POGZ: variants seen among roughly 807,000 people sequenced by gnomAD.
POGZ encodes pogo transposable element derived with ZNF domain.
A neutral mutation model predicts 134.6 loss-of-function variants in POGZ; 17 were observed. That is an observed-to-expected ratio of 0.13 (90% CI 0.09 to 0.19). POGZ has a LOEUF of 0.19. Ranked by LOEUF, POGZ falls within the 10% of genes least tolerant of loss-of-function variation. POGZ has a pLI of 1.00. For missense variants in POGZ, 1,306 were observed against 1,769.7 expected (o/e 0.74, Z 4.70); for synonymous variants, 693 against 657.1 (o/e 1.05, Z -0.84).
At chr1:151,434,549 T>A (rs2102328629) in intron 3 of POGZ, among the ~76,000 whole-genome samples, 1 of 152,302 alleles carries the variant, frequency 6.6e-6, no homozygotes, top group South Asian at 2.1e-4. Context: ...ATTAATTCCA[T>A]GAGTTTTCTT....
rs140152799 is a variant in POGZ at position 151,404,948 on chromosome 1, G to A, written c.4087C>T (p.His1363Tyr). Residue 1363 changes from histidine to tyrosine, a missense_variant, in exon 19 of 19, where the codon CAT becomes TAT. By Grantham distance (83) the His-to-Tyr change is moderately conservative. Coordinates refer to ENST00000271715, the MANE Select transcript of POGZ (RefSeq NM_015100.4). ...LEEQLKLSGE[H>Y]SESSTPRPRS... ...GGTCGTGGAGTGGAAGACTCAGAAT[G>A]TTCCCCACTCAGCTTCAGTTGCTCC... The A allele has an allele frequency of 1.9e-6, 3 of 1,614,086 alleles. No individual in the cohort carries two copies. The highest frequency in any genetic ancestry group is 2.7e-5 in the African/African-American group (2 of 74,930).
At position 151,403,787 on chromosome 1, in the gene POGZ, C is replaced by A. The variant is rs1347485095; in HGVS notation, c.*1015G>T. The A allele has an allele frequency of 4.1e-6, 4 of 985,444 alleles. No homozygotes were observed. Among genetic ancestry groups the A allele is most frequent in the Non-Finnish European group, 4.8e-6 (4 of 829,914 alleles). 61.0% of individuals were successfully genotyped at this position (985,444 alleles called of 1,614,324 possible). On this transcript the variant is annotated 3_prime_UTR_variant, in exon 19 of 19. Transcript: ENST00000271715. The stretch of plus-strand genomic sequence containing the variant: ...CACTTCTTGAACAATTAGCTCCTGG[C>A]TGTAGGACCAGTAATCCCTTAAACA...
rs779465815 is a variant in POGZ at position 151,423,517 on chromosome 1, C to G, written c.1558G>C (p.Asp520His). 3 of 1,613,770 alleles carry G rather than the reference C, an allele frequency of 1.9e-6. No individual in the cohort carries two copies. The highest frequency in any genetic ancestry group is 3.3e-5 in the Admixed American group (2 of 59,992). The change falls in exon 10 of 19, where the codon GAT becomes CAT. Residue 520 changes from aspartate (D) to histidine (H), a missense_variant. Physicochemically the swap from Asp to His is moderately conservative, Grantham distance 81. This residue lies in a region of POGZ where 541 missense variants were observed against 680.5 expected (regional missense o/e 0.80). Coordinates refer to ENST00000271715, the MANE Select transcript of POGZ (RefSeq NM_015100.4). The part of the protein sequence containing the change: ...MNHMKHHVEL[D>H]QQNGEVDGHT... ...CCATCTACCTCACCGTTCTGCTGAT[C>G]GAGTTCTACGTGGTGTTTCATATGG...
chr1:151,458,791 C>T (rs1409241920), intron 1 of POGZ, among the ~76,000 whole-genome samples: 2 of 144,000 alleles, frequency 1.4e-5, no homozygotes, highest in African/African-American at 2.5e-5. Flanking sequence ...GGGCTGTGTG[C>T]GGGGCCGTGG....
chr1:151,407,316 G>A, intron 15 of POGZ, 25 bp from the exon 16 acceptor site: 1 of 1,540,488 alleles, frequency 6.5e-7, no homozygotes, highest in South Asian at 1.2e-5. Flanking sequence ...GAAGTGGTAT[G>A]AGTTACGGAG....
chr1:151,406,108 T>C lies in POGZ; in HGVS notation c.2927A>G (p.Lys976Arg). The change falls in exon 19 of 19, where the codon AAG becomes AGG. Residue 976 changes from lysine to arginine, a missense_variant. By Grantham distance (26) the Lys-to-Arg change is conservative. Transcript: ENST00000271715. The part of the protein sequence containing the change: ...GVGKKEQLSV[K>R]KLRVVLFALC... Reference sequence around the variant, plus strand: ...AGCAAACAGTACTACTCGAAGCTTCTTCACAGACAGCTGCTCCTTTTTGCC... The same window carrying C: ...AGCAAACAGTACTACTCGAAGCTTCCTCACAGACAGCTGCTCCTTTTTGCC... 1.9e-6 allele frequency: 3 copies of C among 1,614,238 alleles called. No individual in the cohort carries two copies. The highest frequency in any genetic ancestry group is 1.1e-5 in the South Asian group (1 of 91,090).
chr1:151,412,226 T>G, intron 11 of POGZ, 70 bp downstream of exon 11: 1 of 794,524 alleles, frequency 1.3e-6, no homozygotes, highest in Admixed American at 2.2e-5. Context: ...TCAACAATAT[T>G]CATTAGTAAA....
intron 10 of POGZ, among the ~76,000 whole-genome samples, chr1:151,418,869 C>T (rs1444908980): frequency 2.7e-5 from 4 of 149,208 alleles, no homozygotes; most frequent in African/African-American, 9.9e-5. Flanking sequence ...ACTAAAAATA[C>T]AAAAAATTAG....
chr1:151,445,364 A>C (rs1178752731), intron 1 of POGZ, among the ~76,000 whole-genome samples: 5 of 152,054 alleles, frequency 3.3e-5, no homozygotes, highest in Non-Finnish European at 7.4e-5. Context: ...TCTACTAAAA[A>C]TACAAAAATT....
chr1:151,403,747 C>T lies in POGZ; in HGVS notation c.*1055G>A, dbSNP rs1350065228. ...GCTGGATTTCAACAAGTGGTCTTGT[C>T]TTTTTAAAGTTCAACACTTCTTGAA... On this transcript the variant is annotated 3_prime_UTR_variant, in exon 19 of 19. Coordinates refer to ENST00000271715, the MANE Select transcript of POGZ (RefSeq NM_015100.4). 6 of 985,612 alleles carry T rather than the reference C, an allele frequency of 6.1e-6. No homozygotes were observed. The African/African-American group carries it at 1.0e-4, about 17-fold the overall frequency. The allele number at this position is 985,612 out of a possible 1,614,324, so 61.1% of individuals were successfully genotyped here.
chr1:151,437,254 T>G (rs1015568052), intron 3 of POGZ, among the ~76,000 whole-genome samples: 1 of 151,942 alleles, frequency 6.6e-6, no homozygotes, highest in Non-Finnish European at 1.5e-5. Flanking sequence ...AGTTTGTGGT[T>G]TGTCTTCTCC....
intron 4 of POGZ, among the ~76,000 whole-genome samples, chr1:151,429,977 T>TA (rs937877781): frequency 8.2e-6 from 1 of 122,662 alleles, no homozygotes; most frequent in African/African-American, 3.2e-5. Context: ...AGCATCGGCT[T>TA]AAAAAAACCT....
At chr1:151,455,490 T>C (rs1662656132) in intron 1 of POGZ, among the ~76,000 whole-genome samples, 1 of 152,254 alleles carries the variant, frequency 6.6e-6, no homozygotes, top group Non-Finnish European at 1.5e-5. Flanking sequence ...TGAATGATTC[T>C]CATTTTTTTG....
At chr1:151,440,336 G>C (rs922586707) in intron 3 of POGZ, among the ~76,000 whole-genome samples, 1 of 151,790 alleles carries the variant, frequency 6.6e-6, no homozygotes, top group African/African-American at 2.4e-5. Context: ...CTTCAGTTAT[G>C]AATCTTGAGA....
intron 7 of POGZ, 149 bp downstream of exon 7, chr1:151,427,674 T>A (rs1657997621): frequency 1.6e-6 from 1 of 613,928 alleles, no homozygotes; most frequent in Non-Finnish European, 2.8e-6. Flanking sequence ...GTAAGTGGCT[T>A]TCTCCTTACT....
Position 151,442,082 on chromosome 1 carries a change from T to G in POGZ, c.123A>C (p.Thr41=). The G allele has an allele frequency of 6.3e-7, 1 of 1,591,412 alleles. No homozygotes were observed. The highest frequency in any genetic ancestry group is 8.6e-7 in the Non-Finnish European group (1 of 1,160,816). ...TAAGATCAGAAGAGCTTTTGTTACC[T>G]GTGGTAGTTTTATCCACTGAATTAT... ...EDYNSVDKTT[T]VSVSQQPVSA... The change falls in exon 2 of 19, where the codon ACA becomes ACC. Residue 41 remains threonine, a splice_region_variant and synonymous_variant. Transcript: ENST00000271715.
Position 151,404,600 on chromosome 1 carries a change from C to A in POGZ, c.*202G>T. ...AATGACCAATGGGCCAGCTCCTTGG[C>A]TCAGACGTGATTACTATTGGTTTTC... On this transcript the variant is annotated 3_prime_UTR_variant, in exon 19 of 19. Transcript: ENST00000271715. 1 of 1,314,700 alleles carries A rather than the reference C, an allele frequency of 7.6e-7. No homozygotes were observed. Among genetic ancestry groups the A allele is most frequent in the Non-Finnish European group, 9.7e-7 (1 of 1,035,982 alleles). The allele number at this position is 1,314,700 out of a possible 1,614,324, so 81.4% of individuals were successfully genotyped here.
At chr1:151,419,919 T>C (rs1276395618) in intron 10 of POGZ, among the ~76,000 whole-genome samples, 1 of 152,152 alleles carries the variant, frequency 6.6e-6, no homozygotes, top group Non-Finnish European at 1.5e-5. Context: ...TGTAATTTTA[T>C]TATTTGTGGA....
In POGZ at chr1:151,427,887, C is replaced by T. The variant is rs368767235; in HGVS notation, c.1014G>A (p.Val338=). ...PSLGQSPGPV[V]VSNNSSAHGS... ...CATGAGCAGAGCTGTTGTTGGACAC[C>T]ACCACTGGCCCAGGACTCTGGCCCA... is the stretch of plus-strand genomic sequence containing the variant. Residue 338 remains valine, a synonymous_variant, in exon 7 of 19, where the codon GTG becomes GTA. Transcript: ENST00000271715. 1.7e-5 allele frequency: 28 copies of T among 1,613,982 alleles called. No individual in the cohort carries two copies. The East Asian group carries it at 2.7e-4, about 15-fold the overall frequency.
Sources: allele counts gnomAD v4.1 joint callset (sites outside exome capture counted in the v4.1 genomes callset), GRCh38; gene constraint gnomAD v4.1.1; regional missense constraint gnomAD v4.1.1; transcripts MANE v1.5; gene names NCBI Gene and HGNC (gene_info 2026-07-23, HGNC 2026-07-21).